UACA: variants seen among roughly 807,000 people sequenced by gnomAD.
The protein encoded by UACA is uveal autoantigen with coiled-coil domains and ankyrin repeats, also known as nuclear membrane binding protein.
Under a neutral mutation model 160.5 loss-of-function variants are expected in UACA, and 112 were observed. That is an observed-to-expected ratio of 0.70 (90% confidence interval 0.60 to 0.82). UACA has a LOEUF of 0.82. Among genes scored for constraint, UACA ranks in the 40% least tolerant of loss-of-function variants. The probability of loss-of-function intolerance (pLI) is 0.00; values close to 1 mark genes in which losing one functional copy is unlikely to be tolerated. For synonymous variants in UACA, 557 were observed against 568.4 expected (o/e 0.98, Z 0.29); for missense variants, 1,574 against 1,614.6 (o/e 0.97, Z 0.43).
chr15:70,720,902 C>T (rs989136342), intron 1 of UACA, among the ~76,000 whole-genome samples: 19 of 152,146 alleles, frequency 1.2e-4, no homozygotes, highest in African/African-American at 4.6e-4. Flanking sequence ...TCACAAGTTA[C>T]AGCCAGCCCT....
chr15:70,679,682 G>T lies in UACA; in HGVS notation c.823-6C>A. ...TGCATGTGTGTCAAATTTCGCTTTGGTAAAACATAAGAAAACACGGGTCAG... is the reference window on the plus strand; with the variant it reads ...TGCATGTGTGTCAAATTTCGCTTTGTTAAAACATAAGAAAACACGGGTCAG... On this transcript the variant is annotated splice_region_variant and splice_polypyrimidine_tract_variant and intron_variant, in intron 9 of 18. Coordinates refer to ENST00000322954, the MANE Select transcript of UACA (RefSeq NM_018003.4). 2 of 1,575,574 alleles carry T rather than the reference G, an allele frequency of 1.3e-6. No homozygotes were observed. The highest frequency in any genetic ancestry group is 2.4e-5 in the East Asian group (1 of 41,582).
At chr15:70,674,543 T>C (rs149625834) in intron 13 of UACA, among the ~76,000 whole-genome samples, 1 of 152,068 alleles carries the variant, frequency 6.6e-6, no homozygotes, top group East Asian at 1.9e-4. Context: ...ATGACTATTG[T>C]AAGTTATAGA....
chr15:70,694,225 T>C (rs1898044966), intron 3 of UACA, among the ~76,000 whole-genome samples: 1 of 151,810 alleles, frequency 6.6e-6, no homozygotes, highest in South Asian at 2.1e-4. Flanking sequence ...GATAGAAAAC[T>C]AGCACTCTCA....
At chr15:70,689,236 C>T (rs1362418599) in intron 5 of UACA, among the ~76,000 whole-genome samples, 1 of 152,072 alleles carries the variant, frequency 6.6e-6, no homozygotes, top group African/African-American at 2.4e-5. Flanking sequence ...TTTAAAATGA[C>T]CATGAGTGAC....
chr15:70,709,127 A>G lies in UACA; in HGVS notation c.79-9467T>C, dbSNP rs573596593. 7.9e-5 allele frequency among the ~76,000 whole-genome samples: 12 copies of G among 152,330 alleles called. No homozygotes were observed. In the South Asian group the frequency reaches 2.3e-3, roughly 29 times the overall value. On this transcript the variant is annotated intron_variant, in intron 1 of 18. Transcript: ENST00000322954. ...CATATCAACATATCTTGGTGAGTCC[A>G]CAGTCATATACTTACAAGGCAAGCC...
Position 70,671,985 on chromosome 15 carries a change from G to A in UACA, c.1148C>T (p.Ser383Leu). 1.3e-6 allele frequency: 2 copies of A among 1,595,096 alleles called. No individual in the cohort carries two copies. The highest frequency in any genetic ancestry group is 1.7e-6 in the Non-Finnish European group (2 of 1,170,906). The change falls in exon 14 of 19, where the codon TCA (serine) becomes TTA (leucine). Residue 383 changes from serine to leucine, a missense_variant. By Grantham distance (145) the Ser-to-Leu change is moderately radical. Coordinates refer to ENST00000322954, the MANE Select transcript of UACA (RefSeq NM_018003.4). The stretch of plus-strand genomic sequence containing the variant: ...CTTACGGTTACTGAAATGACTTCCT[G>A]ATCCTAAATGATCACTCTGAAATCA... ...FKYFESDHLG[S>L]GSHFSNRKED...
At position 70,669,164 on chromosome 15, in the gene UACA, T is replaced by C. The variant is rs755982027; in HGVS notation, c.1520A>G (p.Tyr507Cys). ...DALKDVQKRM[Y>C]ESEGKVKQMQ... ...TTGTTTAACTTTACCTTCTGACTCA[T>C]ACATCCTCTTCTGCACATCTTTTAA... The change falls in exon 16 of 19, where the codon TAT becomes TGT. Residue 507 changes from tyrosine (Y) to cysteine (C), a missense_variant. Physicochemically the swap from Tyr to Cys is radical, Grantham distance 194. Coordinates refer to ENST00000322954, the MANE Select transcript of UACA (RefSeq NM_018003.4). The C allele has an allele frequency of 5.6e-6, 9 of 1,614,102 alleles. No individual in the cohort carries two copies. In the South Asian group the frequency reaches 8.8e-5, roughly 16 times the overall value.
At chr15:70,682,676 TATG>T in intron 9 of UACA, 79 bp downstream of exon 9, 1 of 802,180 alleles carries the variant, frequency 1.2e-6, no homozygotes, top group African/African-American at 1.8e-5. Flanking sequence ...TCAGAATAGT[TATG>T]CTAACTATTA....
the UACA span, among the ~76,000 whole-genome samples, chr15:70,769,333 C>T: frequency 1.7e-4 from 17 of 100,480 alleles, no homozygotes; most frequent in Admixed American, 4.7e-4. Flanking sequence ...AGTGAGACTC[C>T]GACTCAAAAA....
chr15:70,703,109 T>A, intron 1 of UACA: 2 of 1,289,070 alleles, frequency 1.6e-6, no homozygotes, highest in Non-Finnish European at 2.0e-6. Context: ...TTCTCTACGA[T>A]AGCATACTTG....
chr15:70,657,377 G>A (rs1010267795), intron 18 of UACA, among the ~76,000 whole-genome samples: 1 of 151,906 alleles, frequency 6.6e-6, no homozygotes, highest in Non-Finnish European at 1.5e-5. Context: ...TTGGGAGGCT[G>A]AGGTGGGTGG....
chr15:70,660,041 A>AGGG (rs1466399079), intron 18 of UACA, 110 bp downstream of exon 18: 1 of 799,274 alleles, frequency 1.3e-6, no homozygotes, highest in Non-Finnish European at 2.0e-6. Flanking sequence ...AAATAAGCAT[A>AGGG]GGGGGTGCAG....
At chr15:70,688,925 T>A (rs150216033) in intron 5 of UACA, among the ~76,000 whole-genome samples, 87 of 152,348 alleles carry the variant, frequency 5.7e-4, no homozygotes, top group African/African-American at 2.0e-3. Context: ...CCAAAATTTG[T>A]TCTCCTCTTC....
chr15:70,711,497 TAA>T (rs34582821), intron 1 of UACA, among the ~76,000 whole-genome samples: 272 of 141,700 alleles, frequency 1.9e-3, no homozygotes, highest in Middle Eastern at 3.5e-3. Context: ...CCATCTCTAC[TAA>T]AAAAAAAAAA....
chr15:70,674,081 C>T (rs569543158), intron 13 of UACA, among the ~76,000 whole-genome samples: 7 of 152,148 alleles, frequency 4.6e-5, no homozygotes, highest in African/African-American at 7.2e-5. Context: ...AGGCTGGTCT[C>T]GAACAACTGA....
rs144078192 is a variant in UACA at position 70,666,471 on chromosome 15, G to A, written c.3960+253C>T. Among the ~76,000 whole-genome samples the A allele has an allele frequency of 1.0e-3, 153 of 152,312 alleles. 1 individual carries two copies. Among genetic ancestry groups the A allele is most frequent in the African/African-American group, 3.6e-3 (151 of 41,582 alleles). The stretch of plus-strand genomic sequence containing the variant: ...CTGGCTTTTGACTCTTCATGTATGA[G>A]ACAAGTGAGCCTTAAGTCTCCCCAT... On this transcript the variant is annotated intron_variant, in intron 16 of 18. Coordinates refer to ENST00000322954, the MANE Select transcript of UACA (RefSeq NM_018003.4).
At position 70,687,617 on chromosome 15, in the gene UACA, A is replaced by T; in HGVS notation, c.525T>A (p.Thr175=). Reference sequence around the variant, plus strand: ...GACATATTGTTGGCCTACTCATCTGAGTAGCCAGAACAAGTGGTGTCCGCC... The same window carrying T: ...GACATATTGTTGGCCTACTCATCTGTGTAGCCAGAACAAGTGGTGTCCGCC... ...VDGRTPLVLA[T]QMSRPTICQL... is the part of the protein sequence containing the mutation. The change falls in exon 7 of 19, where the codon ACT becomes ACA. Residue 175 remains threonine (T), a synonymous_variant. Coordinates refer to ENST00000322954, the MANE Select transcript of UACA (RefSeq NM_018003.4). The T allele has an allele frequency of 6.2e-7, 1 of 1,613,978 alleles. No individual in the cohort carries two copies. The highest frequency in any genetic ancestry group is 8.5e-7 in the Non-Finnish European group (1 of 1,179,864).
At chr15:70,712,498 C>T (rs746355872) in intron 1 of UACA, among the ~76,000 whole-genome samples, 1 of 152,196 alleles carries the variant, frequency 6.6e-6, no homozygotes, top group Non-Finnish European at 1.5e-5. Context: ...ACCACCACCA[C>T]CACTTCCCTA....
chr15:70,665,360 A>G (rs1249696113), intron 16 of UACA, among the ~76,000 whole-genome samples: 1 of 152,240 alleles, frequency 6.6e-6, no homozygotes, highest in Non-Finnish European at 1.5e-5. Flanking sequence ...CTTTAAAGTC[A>G]GACAGAGTCA....
Sources: allele counts gnomAD v4.1 joint callset (sites outside exome capture counted in the v4.1 genomes callset), GRCh38; gene constraint gnomAD v4.1.1; transcripts MANE v1.5; gene names NCBI Gene and HGNC (gene_info 2026-07-23, HGNC 2026-07-21).